Variants in EYA4 observed in about 807,000 individuals in gnomAD.
The protein encoded by EYA4 is protein phosphatase EYA4.
A neutral mutation model predicts 87.9 loss-of-function variants in EYA4; 31 were observed. That is an observed-to-expected ratio of 0.35 (90% CI 0.27 to 0.48). The LOEUF is 0.48. Among genes scored for constraint, EYA4 ranks in the 20% least tolerant of loss-of-function variants. EYA4 has a pLI of 0.99. For missense variants in EYA4, 678 were observed against 761.4 expected, an observed-to-expected ratio of 0.89 and a Z score of 1.29; for synonymous variants, 263 against 270.6, an observed-to-expected ratio of 0.97 and a Z score of 0.28.
intron 1 of EYA4, among the ~76,000 whole-genome samples, chr6:133,263,471 T>A (rs183789451): frequency 6.6e-6 from 1 of 152,302 alleles, no homozygotes; most frequent in East Asian, 1.9e-4. Context: ...ATGAAACGTT[T>A]CCAAGTTTTA....
intron 2 of EYA4, among the ~76,000 whole-genome samples, chr6:133,326,283 A>T (rs1466324227): frequency 6.6e-6 from 1 of 152,182 alleles, no homozygotes; most frequent in Non-Finnish European, 1.5e-5. Flanking sequence ...GGAGATAGAT[A>T]GATAGTTTGA....
chr6:133,429,811 T>TA (rs1471320558), intron 3 of EYA4, among the ~76,000 whole-genome samples: 1 of 152,248 alleles, frequency 6.6e-6, no homozygotes, highest in East Asian at 1.9e-4. Flanking sequence ...AAGCTGTTTT[T>TA]ATCCTATGGA....
At chr6:133,294,320 A>G (rs1778775340) in intron 2 of EYA4, among the ~76,000 whole-genome samples, 1 of 148,512 alleles carries the variant, frequency 6.7e-6, no homozygotes, top group East Asian at 2.0e-4. Flanking sequence ...GAAAAAGGAT[A>G]TTCTTGGTCT....
intron 3 of EYA4, among the ~76,000 whole-genome samples, chr6:133,438,528 C>T (rs1340673556): frequency 6.6e-6 from 1 of 151,406 alleles, no homozygotes; most frequent in East Asian, 1.9e-4. Context: ...CTAAGAATTT[C>T]TGATGACATT....
chr6:133,487,749 G>T (rs183626726), intron 13 of EYA4, among the ~76,000 whole-genome samples: 1 of 152,292 alleles, frequency 6.6e-6, no homozygotes, highest in East Asian at 1.9e-4. Context: ...ACTTGCCGCA[G>T]GCCTTGGGTG....
At chr6:133,280,684 C>T (rs931595613) in intron 2 of EYA4, among the ~76,000 whole-genome samples, 3 of 152,076 alleles carry the variant, frequency 2.0e-5, no homozygotes, top group Non-Finnish European at 2.9e-5. Flanking sequence ...TGTGAGCCAC[C>T]GCGCCCGGCC....
intron 2 of EYA4, among the ~76,000 whole-genome samples, chr6:133,361,625 G>A (rs1784455597): frequency 6.6e-6 from 1 of 152,186 alleles, no homozygotes; most frequent in South Asian, 2.1e-4. Flanking sequence ...TGAGGATGGG[G>A]TCCTGATAGA....
intron 2 of EYA4, among the ~76,000 whole-genome samples, chr6:133,357,250 G>A (rs1163218155): frequency 3.4e-5 from 4 of 118,412 alleles, no homozygotes; most frequent in African/African-American, 1.1e-4. Context: ...CAGCCTGGGC[G>A]ACAGAGCGAG....
At chr6:133,379,593 C>G (rs1284397460) in intron 2 of EYA4, among the ~76,000 whole-genome samples, 1 of 152,088 alleles carries the variant, frequency 6.6e-6, no homozygotes, top group Non-Finnish European at 1.5e-5. Context: ...ACACTTCAAT[C>G]AATTACAATA....
intron 14 of EYA4, among the ~76,000 whole-genome samples, chr6:133,512,356 G>A (rs183431509): frequency 6.6e-6 from 1 of 152,138 alleles, no homozygotes; most frequent in African/African-American, 2.4e-5. Flanking sequence ...TGTATCTTCA[G>A]ATTAGCCATG....
At chr6:133,322,450 T>C (rs1562287857) in intron 2 of EYA4, among the ~76,000 whole-genome samples, 1 of 152,212 alleles carries the variant, frequency 6.6e-6, no homozygotes, top group Non-Finnish European at 1.5e-5. Flanking sequence ...GATTATTGTA[T>C]AAATATAAAG....
At chr6:133,487,329 C>A (rs6899314) in intron 13 of EYA4, among the ~76,000 whole-genome samples, 14,000 of 152,160 alleles carry the variant, frequency 0.092, 1,276 homozygotes, top group African/African-American at 0.22. Context: ...CTGGACAAGT[C>A]CTGCTGCTCT....
intron 13 of EYA4, among the ~76,000 whole-genome samples, chr6:133,495,403 AAT>A (rs1174076248): frequency 1.2e-4 from 18 of 148,240 alleles, no homozygotes; most frequent in African/African-American, 4.4e-4. Flanking sequence ...TTTATAAATA[AAT>A]ATAAAGAAAT....
intron 17 of EYA4, among the ~76,000 whole-genome samples, chr6:133,520,188 T>A (rs942427750): frequency 2.0e-5 from 3 of 151,844 alleles, no homozygotes; most frequent in African/African-American, 7.3e-5. Flanking sequence ...AAAGAGGAAG[T>A]CAAATTGTCC....
intron 3 of EYA4, among the ~76,000 whole-genome samples, chr6:133,422,757 T>A (rs1231304288): frequency 1.3e-5 from 2 of 152,210 alleles, no homozygotes; most frequent in African/African-American, 4.8e-5. Context: ...TAAACACAAT[T>A]GGTAGAATAT....
intron 3 of EYA4, among the ~76,000 whole-genome samples, chr6:133,384,532 A>C (rs1348378353): frequency 2.0e-5 from 3 of 152,198 alleles, no homozygotes; most frequent in African/African-American, 7.2e-5. Context: ...GCAAACAAAT[A>C]CAATAATTTT....
intron 2 of EYA4, among the ~76,000 whole-genome samples, chr6:133,335,030 GT>G (rs1443152019): frequency 5.2e-4 from 79 of 152,208 alleles, no homozygotes; most frequent in African/African-American, 1.6e-3. Flanking sequence ...GGTACAATGT[GT>G]TTGTTAGGTG....
intron 3 of EYA4, among the ~76,000 whole-genome samples, chr6:133,436,430 T>C (rs1397740338): frequency 6.6e-6 from 1 of 152,194 alleles, no homozygotes. Flanking sequence ...CAAATGACTT[T>C]ATCTACATTT....
At chr6:133,261,324 A>G (rs1305104082) in intron 1 of EYA4, among the ~76,000 whole-genome samples, 1 of 152,200 alleles carries the variant, frequency 6.6e-6, no homozygotes, top group Non-Finnish European at 1.5e-5. Flanking sequence ...TATTGTAATA[A>G]CCAATTGTCT....
Sources: gnomAD v4.1 joint callset for allele counts (sites outside exome capture counted in the v4.1 genomes callset) on GRCh38, gnomAD v4.1.1 for gene constraint, MANE v1.5 for transcripts, NCBI Gene and HGNC (gene_info 2026-07-23, HGNC 2026-07-21) for gene names.